Variants in DIXDC1 observed in about 807,000 individuals in gnomAD.
DIXDC1 encodes the protein dixin.
Under a neutral mutation model 103.1 loss-of-function variants are expected in DIXDC1, and 64 were observed. That is an observed-to-expected ratio of 0.62 (90% confidence interval 0.51 to 0.76). DIXDC1 has a LOEUF of 0.76. Ranked by LOEUF, DIXDC1 falls within the 30% of genes least tolerant of loss-of-function variation. The probability of loss-of-function intolerance (pLI) is 0.00; values close to 1 mark genes in which losing one functional copy is unlikely to be tolerated. For missense variants in DIXDC1, 759 were observed against 834.2 expected, an observed-to-expected ratio of 0.91 and a Z score of 1.11; for synonymous variants, 266 against 298.5, an observed-to-expected ratio of 0.89 and a Z score of 1.12.
chr11:112,013,067 G>A (rs1350919432), intron 17 of DIXDC1, among the ~76,000 whole-genome samples: 1 of 152,126 alleles, frequency 6.6e-6, no homozygotes, highest in Non-Finnish European at 1.5e-5. Flanking sequence ...GAGGCTAGAA[G>A]TACAAGATCA....
In DIXDC1 at chr11:112,017,592, A is replaced by G; in HGVS notation, c.1863-185A>G. 2.3e-6 allele frequency: 1 copy of G among 444,008 alleles called. No homozygotes were observed. 27.5% of individuals were successfully genotyped at this position (444,008 alleles called of 1,614,324 possible). On this transcript the variant is annotated intron_variant, in intron 18 of 19. Coordinates refer to ENST00000440460, the MANE Select transcript of DIXDC1 (RefSeq NM_001037954.4). This position sits in a 1 kb window ranked among gnomAD's most constrained non-coding sequence, Gnocchi z 4.0. ...TCACCCCATATTTAATACTGTTTTC[A>G]TTCCCTAGTGATGACTGGTTCTCCA...
intron 13 of DIXDC1, 24 bp downstream of exon 13, chr11:111,993,612 C>G (rs782766392): frequency 9.9e-6 from 16 of 1,613,970 alleles, no homozygotes; most frequent in Non-Finnish European, 1.3e-5. Context: ...CAGCCACTGA[C>G]TTCCCTGCCT....
chr11:111,973,372 C>CA (rs782457239), intron 3 of DIXDC1, among the ~76,000 whole-genome samples: 218 of 125,350 alleles, frequency 1.7e-3, no homozygotes, highest in South Asian at 9.9e-3. Context: ...AACTCCATCT[C>CA]AAAAAAAAAA....
intron 1 of DIXDC1, among the ~76,000 whole-genome samples, chr11:111,952,385 A>G (rs139640537): frequency 6.3e-4 from 96 of 152,362 alleles, no homozygotes; most frequent in African/African-American, 2.1e-3. Flanking sequence ...ATAAATACAC[A>G]AGAACAGTCA....
Position 111,982,437 on chromosome 11 carries a change from T to G in DIXDC1, c.868T>G (p.Tyr290Asp). The change falls in exon 7 of 20, where the codon TAT becomes GAT. Residue 290 changes from tyrosine to aspartate, a missense_variant. By Grantham distance (160) the Tyr-to-Asp change is radical (BLOSUM62 -3). Coordinates refer to ENST00000440460, the MANE Select transcript of DIXDC1 (RefSeq NM_001037954.4). ...AGAACAGCTGTTGGAACAACAAGAA[T>G]ATTTAGAAAAAGAAATGGAGGAAGC... is the stretch of plus-strand genomic sequence containing the variant. ...WEEQLLEQQE[Y>D]LEKEMEEAKK... 1 of 1,613,860 alleles carries G rather than the reference T, an allele frequency of 6.2e-7. No homozygotes were observed. The highest frequency in any genetic ancestry group is 8.5e-7 in the Non-Finnish European group (1 of 1,179,810).
chr11:111,990,651 A>G (rs1349606367), intron 10 of DIXDC1, among the ~76,000 whole-genome samples: 1 of 152,054 alleles, frequency 6.6e-6, no homozygotes, highest in East Asian at 1.9e-4. Flanking sequence ...GATAATTTCT[A>G]GTCTTTTGCT....
At chr11:111,938,807 C>T (rs782584106) in intron 1 of DIXDC1, among the ~76,000 whole-genome samples, 20 of 152,290 alleles carry the variant, frequency 1.3e-4, no homozygotes, top group Middle Eastern at 6.8e-3. Context: ...CCAACCTAAC[C>T]GAGTTGGAAT....
intron 2 of DIXDC1, among the ~76,000 whole-genome samples, chr11:111,932,087 G>A (rs1310282134): frequency 7.1e-6 from 1 of 141,352 alleles, no homozygotes; most frequent in African/African-American, 2.7e-5. Context: ...CTGGAGTGCA[G>A]TGGCACGATC....
chr11:111,986,749 C>A, intron 8 of DIXDC1, 122 bp from the exon 9 acceptor site: 1 of 720,126 alleles, frequency 1.4e-6, no homozygotes, highest in South Asian at 2.4e-5. Context: ...GAACTGTTTC[C>A]TGTTCTTTGT....
chr11:111,972,783 A>G (rs1369806544), intron 3 of DIXDC1, among the ~76,000 whole-genome samples: 1 of 152,232 alleles, frequency 6.6e-6, no homozygotes, highest in Non-Finnish European at 1.5e-5. Flanking sequence ...GCAGTGGCTC[A>G]CACCTGTAAT....
intron 1 of DIXDC1, among the ~76,000 whole-genome samples, chr11:111,962,314 T>C (rs1273206583): frequency 1.3e-5 from 2 of 152,114 alleles, no homozygotes; most frequent in Non-Finnish European, 2.9e-5. Flanking sequence ...AAACCCCATC[T>C]CTATTACAAA....
chr11:112,002,734 G>A (rs1470498309), intron 17 of DIXDC1, among the ~76,000 whole-genome samples: 1 of 152,184 alleles, frequency 6.6e-6, no homozygotes, highest in Non-Finnish European at 1.5e-5. Flanking sequence ...GCTGTGGTGA[G>A]CTGTGATTGT....
At chr11:111,946,204 G>C (rs1966590621) in intron 1 of DIXDC1, among the ~76,000 whole-genome samples, 1 of 151,816 alleles carries the variant, frequency 6.6e-6, no homozygotes, top group South Asian at 2.1e-4. Context: ...CGCCTCCTGG[G>C]TTCCCGCCAT....
chr11:112,010,980 C>T (rs1399225601), intron 17 of DIXDC1, among the ~76,000 whole-genome samples: 1 of 152,116 alleles, frequency 6.6e-6, no homozygotes, highest in Non-Finnish European at 1.5e-5. Flanking sequence ...AGAGCTTCTG[C>T]ACAGCAAAAG....
chr11:111,950,519 G>A (rs1966770334), intron 1 of DIXDC1, among the ~76,000 whole-genome samples: 1 of 126,138 alleles, frequency 7.9e-6, no homozygotes, highest in African/African-American at 2.9e-5. Context: ...GCAATGGCAT[G>A]ATCTTGGCTC....
intron 3 of DIXDC1, among the ~76,000 whole-genome samples, chr11:111,969,158 G>A (rs1246595091): frequency 1.3e-5 from 2 of 151,894 alleles, no homozygotes; most frequent in Non-Finnish European, 2.9e-5. Flanking sequence ...GGTTGGGCAT[G>A]GTGGCTCATA....
chr11:111,954,214 G>A lies in DIXDC1; in HGVS notation c.61-10335G>A, dbSNP rs141932170. On this transcript the variant is annotated intron_variant, in intron 1 of 19. Transcript: ENST00000440460. ...TCCTGCAACCAGATGGTCCTATCTC[G>A]GGGTAATGGGAGACAGTGACAGATC... is the stretch of plus-strand genomic sequence containing the variant. Among the ~76,000 whole-genome samples, 79 of 152,218 alleles carry A rather than the reference G, an allele frequency of 5.2e-4. 2 individuals carry two copies. The South Asian group carries it at 0.015, about 28-fold the overall frequency.
chr11:111,930,790 G>A (rs587621524), intron 2 of DIXDC1, among the ~76,000 whole-genome samples: 2 of 151,306 alleles, frequency 1.3e-5, no homozygotes, highest in South Asian at 2.1e-4. Context: ...TTGAGGCCAG[G>A]AGTTCAAGAC....
chr11:111,944,994 G>A (rs1309671072), intron 1 of DIXDC1, among the ~76,000 whole-genome samples: 2 of 152,110 alleles, frequency 1.3e-5, no homozygotes, highest in South Asian at 2.1e-4. Context: ...AAATTAGTTC[G>A]GTTACAAGTG....
Sources: gnomAD v4.1 joint callset for allele counts (sites outside exome capture counted in the v4.1 genomes callset) on GRCh38, gnomAD v4.1.1 for gene constraint, Gnocchi (gnomAD v3.1) non-coding constraint, MANE v1.5 for transcripts, NCBI Gene and HGNC (gene_info 2026-07-23, HGNC 2026-07-21) for gene names.